The following SLIT2 variants were observed in gnomAD, a reference collection of about 807,000 sequenced individuals.
SLIT2 encodes the protein slit guidance ligand 2.
A neutral mutation model predicts 185.7 loss-of-function variants in SLIT2; 41 were observed. The ratio of observed to expected loss-of-function variants is 0.22; its 90% CI spans 0.17 to 0.29. The LOEUF (loss-of-function observed/expected upper bound fraction) is 0.29. SLIT2 is among the 10% of genes least tolerant of loss of function. The probability of loss-of-function intolerance (pLI) is 1.00; values close to 1 mark genes in which losing one functional copy is unlikely to be tolerated. For synonymous variants in SLIT2, 693 were observed against 680.2 expected (o/e 1.02, Z -0.29); for missense variants, 1,571 against 1,909.0 (o/e 0.82, Z 3.30).
intron 4 of SLIT2, among the ~76,000 whole-genome samples, chr4:20,422,553 C>A (rs976015093): frequency 1.3e-5 from 2 of 152,082 alleles, no homozygotes; most frequent in African/African-American, 2.4e-5. Flanking sequence ...AAGCTTACAT[C>A]CTAATGTTAA....
intron 28 of SLIT2, 132 bp from the exon 29 acceptor site, chr4:20,568,733 T>A: frequency 2.6e-6 from 2 of 771,886 alleles, no homozygotes; most frequent in South Asian, 3.7e-5. Context: ...AAAAGCATTT[T>A]AAAAAATCAA....
At position 20,591,007 on chromosome 4, in the gene SLIT2, G is replaced by A. The variant is rs186175026; in HGVS notation, c.3182+1270G>A. Reference sequence around the variant, plus strand: ...CTGGATTCTTAGGAATTACACAGTCGGGTACAGGGGTTGAGCTGTGCTTTC... The same window carrying A: ...CTGGATTCTTAGGAATTACACAGTCAGGTACAGGGGTTGAGCTGTGCTTTC... On this transcript the variant is annotated intron_variant, in intron 30 of 36. Transcript: ENST00000504154. Among the ~76,000 whole-genome samples, 118 of 152,294 alleles carry A rather than the reference G, an allele frequency of 7.7e-4. 1 individual carries two copies. The highest frequency in any genetic ancestry group is 6.8e-3 in the Middle Eastern group (2 of 294).
At position 20,322,162 on chromosome 4, in the gene SLIT2, C is replaced by T. The variant is rs557694081; in HGVS notation, c.395+53281C>T. Among the ~76,000 whole-genome samples, 6 of 152,268 alleles carry T rather than the reference C, an allele frequency of 3.9e-5. No individual in the cohort carries two copies. The East Asian group carries it at 1.2e-3, about 29-fold the overall frequency. The stretch of plus-strand genomic sequence containing the variant: ...CAGAACCTCCATTTCATATGTGAAC[C>T]TCCAAATCTCAGACAGGTTTCAGTC... On this transcript the variant is annotated intron_variant, in intron 4 of 36. Coordinates refer to ENST00000504154, the MANE Select transcript of SLIT2 (RefSeq NM_004787.4).
At chr4:20,474,858 A>T (rs1715924357) in intron 5 of SLIT2, among the ~76,000 whole-genome samples, 1 of 152,000 alleles carries the variant, frequency 6.6e-6, no homozygotes, top group South Asian at 2.1e-4. Context: ...TTATTTAAAA[A>T]GTTGTTTTAA....
At chr4:20,592,571 G>C (rs938368467) in intron 30 of SLIT2, among the ~76,000 whole-genome samples, 2 of 152,174 alleles carry the variant, frequency 1.3e-5, no homozygotes, top group African/African-American at 4.8e-5. Context: ...TATTTGGAGA[G>C]AAGGGAATAT....
chr4:20,427,670 C>CTTT (rs909558402), intron 4 of SLIT2, among the ~76,000 whole-genome samples: 1 of 126,730 alleles, frequency 7.9e-6, no homozygotes, highest in South Asian at 2.6e-4. Context: ...AATTTGCATT[C>CTTT]TTTTTTTTTT....
At chr4:20,395,538 T>C (rs1229668892) in intron 4 of SLIT2, among the ~76,000 whole-genome samples, 1 of 151,994 alleles carries the variant, frequency 6.6e-6, no homozygotes, top group African/African-American at 2.4e-5. Context: ...AGCAACAGTA[T>C]GGAGGAGAGC....
At chr4:20,398,852 C>T (rs1424954497) in intron 4 of SLIT2, among the ~76,000 whole-genome samples, 1 of 151,638 alleles carries the variant, frequency 6.6e-6, no homozygotes, top group Non-Finnish European at 1.5e-5. Flanking sequence ...GTATTTAGCT[C>T]CGTCAATAAT....
At chr4:20,479,239 C>T (rs941046082) in intron 5 of SLIT2, among the ~76,000 whole-genome samples, 2 of 152,094 alleles carry the variant, frequency 1.3e-5, no homozygotes, top group African/African-American at 4.8e-5. Flanking sequence ...GAGACATTGT[C>T]TATATACATA....
At chr4:20,416,545 G>A (rs977830857) in intron 4 of SLIT2, among the ~76,000 whole-genome samples, 7 of 151,722 alleles carry the variant, frequency 4.6e-5, no homozygotes, top group African/African-American at 1.7e-4. Context: ...CTGAGATACT[G>A]AGAAAAATGC....
At chr4:20,357,401 G>A (rs900368899) in intron 4 of SLIT2, among the ~76,000 whole-genome samples, 2 of 152,034 alleles carry the variant, frequency 1.3e-5, no homozygotes, top group Non-Finnish European at 2.9e-5. Flanking sequence ...ACTTGTCTCT[G>A]CTATTTTCTC....
intron 26 of SLIT2, among the ~76,000 whole-genome samples, chr4:20,554,959 G>A (rs143650038): frequency 2.6e-5 from 4 of 152,008 alleles, no homozygotes; most frequent in Non-Finnish European, 4.4e-5. Flanking sequence ...TAGTAGAGAC[G>A]GGGTTTCACC....
At chr4:20,434,960 ATAT>A (rs1256006010) in intron 4 of SLIT2, among the ~76,000 whole-genome samples, 1 of 152,168 alleles carries the variant, frequency 6.6e-6, no homozygotes, top group Non-Finnish European at 1.5e-5. Flanking sequence ...GAATATTTCC[ATAT>A]TATTCATTAT....
chr4:20,563,930 G>A (rs1489058288), intron 26 of SLIT2, among the ~76,000 whole-genome samples: 2 of 151,740 alleles, frequency 1.3e-5, no homozygotes. Flanking sequence ...CACTTAAGTA[G>A]TAAATCTGGG....
intron 4 of SLIT2, among the ~76,000 whole-genome samples, chr4:20,309,956 C>T (rs28642776): frequency 0.77 from 116,699 of 151,550 alleles, 45,297 homozygotes; most frequent in East Asian, 0.96. Flanking sequence ...AGAGACGGGG[C>T]TTCACCATGT....
intron 4 of SLIT2, among the ~76,000 whole-genome samples, chr4:20,333,594 T>A (rs953075309): frequency 1.3e-5 from 2 of 152,140 alleles, no homozygotes; most frequent in Admixed American, 6.6e-5. Context: ...TTTAGCTTGT[T>A]TTTAAAATCT....
intron 4 of SLIT2, among the ~76,000 whole-genome samples, chr4:20,395,117 C>A (rs1435574026): frequency 2.6e-5 from 4 of 152,126 alleles, no homozygotes; most frequent in Admixed American, 1.3e-4. Context: ...AGATGACCAT[C>A]CACATATTGC....
At chr4:20,470,820 C>A (rs1023566853) in intron 5 of SLIT2, among the ~76,000 whole-genome samples, 1 of 152,116 alleles carries the variant, frequency 6.6e-6, no homozygotes, top group African/African-American at 2.4e-5. Flanking sequence ...AGATGATCCA[C>A]CCGCGTTGGC....
chr4:20,549,231 G>T (rs1723523018), intron 24 of SLIT2, 103 bp downstream of exon 24: 2 of 645,448 alleles, frequency 3.1e-6, no homozygotes, highest in African/African-American at 1.8e-5. Flanking sequence ...GGTGCTTGAA[G>T]ATACATGCAT....
Sources: allele counts gnomAD v4.1 joint callset (sites outside exome capture counted in the v4.1 genomes callset), GRCh38; gene constraint gnomAD v4.1.1; transcripts MANE v1.5; gene names NCBI Gene and HGNC (gene_info 2026-07-23, HGNC 2026-07-21).